The following ZNF85 variants were observed in gnomAD, a reference collection of about 807,000 sequenced individuals.
The protein encoded by ZNF85 is zinc finger protein 85 (HPF4, HTF1).
Under a neutral mutation model 53.9 loss-of-function variants are expected in ZNF85, and 50 were observed. The ratio of observed to expected loss-of-function variants is 0.93; its 90% CI spans 0.74 to 1.17. The LOEUF (loss-of-function observed/expected upper bound fraction) is 1.17, where lower values mean the gene tolerates loss of function less well. Among genes scored for constraint, ZNF85 ranks in the 50% most tolerant of loss-of-function variants. The pLI, the probability that ZNF85 is intolerant of heterozygous loss-of-function variation, is 0.00. For missense variants in ZNF85, 747 were observed against 688.5 expected, an observed-to-expected ratio of 1.08 and a Z score of -0.95; for synonymous variants, 225 against 226.1, an observed-to-expected ratio of 1.00 and a Z score of 0.04.
chr19:20,949,491 C>G lies in ZNF85; in HGVS notation c.977C>G (p.Ser326Cys). The G allele has an allele frequency of 6.2e-7, 1 of 1,613,012 alleles. No homozygotes were observed. Among genetic ancestry groups the G allele is most frequent in the South Asian group, 1.1e-5 (1 of 90,994 alleles). ...GAATGTGGCAAAGCCTTTAAGCAGT[C>G]CTCAAACCTTACTACACATAAGATA... ...CEECGKAFKQSSNLTTHKIIH... is the reference protein window; with the variant it reads ...CEECGKAFKQCSNLTTHKIIH... The change falls in exon 4 of 4, where the codon TCC becomes TGC. Residue 326 changes from serine (S) to cysteine (C), a missense_variant. Physicochemically the swap from Ser to Cys is moderately radical, Grantham distance 112. Coordinates refer to ENST00000328178, the MANE Select transcript of ZNF85 (RefSeq NM_003429.5).
chr19:20,923,536 G>T (rs1972807741), intron 1 of ZNF85, 133 bp downstream of exon 1: 4 of 1,462,716 alleles, frequency 2.7e-6, no homozygotes, highest in South Asian at 1.3e-5. Flanking sequence ...TGCCCAGCTC[G>T]GCCCCAGTTC....
intron 3 of ZNF85, among the ~76,000 whole-genome samples, chr19:20,941,308 C>T (rs1305848542): frequency 1.3e-5 from 2 of 152,096 alleles, no homozygotes; most frequent in African/African-American, 4.8e-5. Context: ...GAGTCTTGCT[C>T]CAGGCTGGTG....
Position 20,950,426 on chromosome 19 carries a change from G to C in ZNF85, c.*124G>C. 1.6e-6 allele frequency: 1 copy of C among 616,648 alleles called. No individual in the cohort carries two copies. The allele number at this position is 616,648 out of a possible 1,614,324, so 38.2% of individuals were successfully genotyped here. On this transcript the variant is annotated 3_prime_UTR_variant, in exon 4 of 4. Coordinates refer to ENST00000328178, the MANE Select transcript of ZNF85 (RefSeq NM_003429.5). ...TTGACAACACCTCAGACTTATAAAA[G>C]TAATCATACTGGTGAGAAATTCTAA... is the stretch of plus-strand genomic sequence containing the variant.
At chr19:20,948,153 T>G (rs1245448987) in intron 3 of ZNF85, among the ~76,000 whole-genome samples, 1 of 152,072 alleles carries the variant, frequency 6.6e-6, no homozygotes, top group Non-Finnish European at 1.5e-5. Flanking sequence ...ATGTTTTAGG[T>G]CTTTTTTAGT....
At chr19:20,940,706 T>C (rs553349229) in intron 3 of ZNF85, among the ~76,000 whole-genome samples, 6 of 152,208 alleles carry the variant, frequency 3.9e-5, no homozygotes, top group Admixed American at 2.0e-4. Flanking sequence ...CACTTTCTGT[T>C]TTTATGAGTG....
intron 3 of ZNF85, among the ~76,000 whole-genome samples, chr19:20,935,608 A>G (rs1973138865): frequency 6.6e-6 from 1 of 151,870 alleles, no homozygotes; most frequent in Non-Finnish European, 1.5e-5. Flanking sequence ...TTATAGTTTC[A>G]TGTATGTTTT....
chr19:20,939,466 G>A (rs940594989), intron 3 of ZNF85, among the ~76,000 whole-genome samples: 4 of 152,068 alleles, frequency 2.6e-5, no homozygotes, highest in Admixed American at 2.0e-4. Flanking sequence ...TATTGGCCAG[G>A]CTGGTCTCGG....
intron 1 of ZNF85, among the ~76,000 whole-genome samples, chr19:20,929,034 C>T (rs1839553368): frequency 6.6e-6 from 1 of 152,076 alleles, no homozygotes; most frequent in African/African-American, 2.4e-5. Context: ...TCATCTCACC[C>T]TCCACCCTTA....
At chr19:20,939,669 A>C (rs534212190) in intron 3 of ZNF85, among the ~76,000 whole-genome samples, 1 of 152,276 alleles carries the variant, frequency 6.6e-6, no homozygotes, top group African/African-American at 2.4e-5. Flanking sequence ...TTTAATTAAG[A>C]TACAAATCAG....
At chr19:20,947,488 CTT>C (rs768097517) in intron 3 of ZNF85, among the ~76,000 whole-genome samples, 1 of 51,634 alleles carries the variant, frequency 1.9e-5, no homozygotes, top group African/African-American at 8.4e-5. Context: ...TGCCAATACA[CTT>C]TTTTTTTTTT....
rs1344054458 is a variant in ZNF85 at position 20,949,759 on chromosome 19, A to T, written c.1245A>T (p.Lys415Asn). The T allele has an allele frequency of 6.2e-7, 1 of 1,611,610 alleles. No homozygotes were observed. Among genetic ancestry groups the T allele is most frequent in the Non-Finnish European group, 8.5e-7 (1 of 1,179,042 alleles). The change falls in exon 4 of 4, where the codon AAA becomes AAT. Residue 415 changes from lysine to asparagine, a missense_variant. By Grantham distance (94) the Lys-to-Asn change is moderately conservative. Coordinates refer to ENST00000328178, the MANE Select transcript of ZNF85 (RefSeq NM_003429.5). ...TTAAACACTCTTCAACCCTTACTAAACATAAGATAATTCATACTGGAGAGA... is the reference window on the plus strand; with the variant it reads ...TTAAACACTCTTCAACCCTTACTAATCATAAGATAATTCATACTGGAGAGA... ...KAFKHSSTLT[K>N]HKIIHTGEKP...
chr19:20,948,959 G>C lies in ZNF85; in HGVS notation c.445G>C (p.Asp149His). ...TACCCAGAGCAAAATATTTCAATGT[G>C]ATAAATATGTAAAAGTCGCTCATAA... is the stretch of plus-strand genomic sequence containing the variant. ...TATQSKIFQC[D>H]KYVKVAHKFS... is the part of the protein sequence containing the mutation. Residue 149 changes from aspartate to histidine, a missense_variant, in exon 4 of 4, where the codon GAT (aspartate) becomes CAT (histidine). By Grantham distance (81) the Asp-to-His change is moderately conservative (BLOSUM62 -1). Coordinates refer to ENST00000328178, the MANE Select transcript of ZNF85 (RefSeq NM_003429.5). 6.2e-7 allele frequency: 1 copy of C among 1,613,614 alleles called. No homozygotes were observed. The highest frequency in any genetic ancestry group is 2.2e-5 in the East Asian group (1 of 44,844).
intron 1 of ZNF85, among the ~76,000 whole-genome samples, chr19:20,924,450 C>G (rs1046407791): frequency 6.6e-6 from 1 of 152,082 alleles, no homozygotes; most frequent in Admixed American, 6.6e-5. Flanking sequence ...CTAGAGCCAC[C>G]TCAGTCTAAT....
intron 1 of ZNF85, among the ~76,000 whole-genome samples, chr19:20,923,909 C>T (rs181157804): frequency 1.3e-5 from 2 of 152,004 alleles, no homozygotes; most frequent in East Asian, 1.9e-4. Flanking sequence ...TGGTGAAACC[C>T]CGTCTCAATT....
intron 3 of ZNF85, among the ~76,000 whole-genome samples, chr19:20,936,401 A>C (rs1973159710): frequency 6.6e-6 from 1 of 152,248 alleles, no homozygotes; most frequent in African/African-American, 2.4e-5. Context: ...TTTGAGAGAC[A>C]AAGGATCTCT....
rs116761230 is a variant in ZNF85, at chr19:20,943,173, T to C, written c.230-5571T>C. ...TATTCTCTTGCTTTTGACTGAAAAG[T>C]TTTGTACATGTCTGTTAATCCTAGT... On this transcript the variant is annotated intron_variant, in intron 3 of 3. Coordinates refer to ENST00000328178, the MANE Select transcript of ZNF85 (RefSeq NM_003429.5). 5.5e-3 allele frequency: 1,546 copies of C among 280,278 alleles called. 18 individuals are homozygous for C. Among genetic ancestry groups the C allele is most frequent in the South Asian group, 0.03 (191 of 6,288 alleles). The allele number at this position is 280,278 out of a possible 1,614,324, so 17.4% of individuals were successfully genotyped here. A position where few individuals can be genotyped will look rare whatever the true frequency, so the allele number is the denominator to read the frequency against.
rs138677999 is a variant in ZNF85 at position 20,933,896 on chromosome 19, T to A, written c.4-128T>A. ...CTCCTGTAAGTCAGAAACAGTTACC[T>A]GTACTCTCTCATTTCACCTTGAGTA... is the stretch of plus-strand genomic sequence containing the variant. On this transcript the variant is annotated intron_variant, in intron 1 of 3. Coordinates refer to ENST00000328178, the MANE Select transcript of ZNF85 (RefSeq NM_003429.5). 5.2e-5 allele frequency: 54 copies of A among 1,044,030 alleles called. No individual in the cohort carries two copies. The East Asian group carries it at 1.5e-3, about 29-fold the overall frequency. The allele number at this position is 1,044,030 out of a possible 1,614,324, so 64.7% of individuals were successfully genotyped here. A position where few individuals can be genotyped will look rare whatever the true frequency, so the allele number is the denominator to read the frequency against.
chr19:20,950,002 C>G lies in ZNF85; in HGVS notation c.1488C>G (p.Thr496=), dbSNP rs189713142. ...ECGKGFKWPS[T]LTIHKIIHTG... ...GCAAAGGTTTTAAATGGCCCTCAAC[C>G]CTTACTATCCATAAGATAATTCATA... The change falls in exon 4 of 4, where the codon ACC becomes ACG. Residue 496 remains threonine (T), a synonymous_variant. Coordinates refer to ENST00000328178, the MANE Select transcript of ZNF85 (RefSeq NM_003429.5). 1.2e-6 allele frequency: 2 copies of G among 1,612,594 alleles called. No homozygotes were observed. Among genetic ancestry groups the G allele is most frequent in the Non-Finnish European group, 1.7e-6 (2 of 1,179,576 alleles).
At position 20,949,447 on chromosome 19, in the gene ZNF85, G is replaced by C; in HGVS notation, c.933G>C (p.Glu311Asp). ...CCCATAGAAAAATTCATACTGGAGA[G>C]AAACCTTACAAATGTGAAGAATGTG... ...LTTHRKIHTG[E>D]KPYKCEECGK... is the part of the protein sequence containing the mutation. Residue 311 changes from glutamate (E) to aspartate (D), a missense_variant, in exon 4 of 4, where the codon GAG becomes GAC. Transcript: ENST00000328178. 1.2e-6 allele frequency: 2 copies of C among 1,613,316 alleles called. No individual in the cohort carries two copies. Among genetic ancestry groups the C allele is most frequent in the Non-Finnish European group, 1.7e-6 (2 of 1,179,660 alleles).
Sources: gnomAD v4.1 joint callset for allele counts (sites outside exome capture counted in the v4.1 genomes callset) on GRCh38, gnomAD v4.1.1 for gene constraint, MANE v1.5 for transcripts, NCBI Gene and HGNC (gene_info 2026-07-23, HGNC 2026-07-21) for gene names.